PSD3: variants seen among roughly 807,000 people sequenced by gnomAD.
PSD3 encodes the protein PH and SEC7 domain-containing protein 3.
In PSD3, 49 loss-of-function variants were observed where a neutral mutation model predicts 105.5. The ratio of observed to expected loss-of-function variants is 0.46; its 90% confidence interval spans 0.37 to 0.59. The LOEUF (loss-of-function observed/expected upper bound fraction) is 0.59. Ranked by LOEUF, PSD3 falls within the 20% of genes least tolerant of loss-of-function variation. PSD3 has a pLI of 0.00. For missense variants in PSD3, 1,561 were observed against 1,263.8 expected, an observed-to-expected ratio of 1.24 and a Z score of -3.57; for synonymous variants, 557 against 457.8, an observed-to-expected ratio of 1.22 and a Z score of -2.77.
intron 2 of PSD3, among the ~76,000 whole-genome samples, chr8:18,926,241 G>A (rs1821353629): frequency 6.6e-6 from 1 of 151,806 alleles, no homozygotes. Flanking sequence ...CCACATGGGT[G>A]GCTGAGATAG....
chr8:18,627,631 C>T (rs1026333991), intron 11 of PSD3, among the ~76,000 whole-genome samples: 1 of 151,828 alleles, frequency 6.6e-6, no homozygotes, highest in Non-Finnish European at 1.5e-5. Flanking sequence ...CTGGATCCAC[C>T]AGAACAAAGG....
intron 12 of PSD3, among the ~76,000 whole-genome samples, chr8:18,576,327 G>A (rs1160108663): frequency 6.6e-6 from 1 of 152,012 alleles, no homozygotes; most frequent in Non-Finnish European, 1.5e-5. Flanking sequence ...AATATTAAAC[G>A]ACAAAATTGT....
intron 9 of PSD3, among the ~76,000 whole-genome samples, chr8:18,661,000 G>A (rs981894112): frequency 1.3e-5 from 2 of 152,184 alleles, no homozygotes; most frequent in African/African-American, 2.4e-5. Flanking sequence ...ACGATAAAAT[G>A]CAATTTTATT....
intron 9 of PSD3, among the ~76,000 whole-genome samples, chr8:18,659,003 G>A (rs529636716): frequency 6.6e-6 from 1 of 152,080 alleles, no homozygotes; most frequent in African/African-American, 2.4e-5. Context: ...CCCAGCTCCA[G>A]TATGAAAGTT....
intron 11 of PSD3, among the ~76,000 whole-genome samples, chr8:18,609,452 C>G (rs1252667119): frequency 2.0e-5 from 3 of 152,224 alleles, no homozygotes; most frequent in African/African-American, 7.2e-5. Context: ...CAAAGATATA[C>G]TTAGCAGAAG....
chr8:18,647,537 G>A (rs144488664), intron 10 of PSD3, among the ~76,000 whole-genome samples: 68 of 151,088 alleles, frequency 4.5e-4, no homozygotes, highest in African/African-American at 1.5e-3. Context: ...CAAGGCCAAT[G>A]CTGCTGTAAC....
At chr8:18,725,031 T>C (rs138694835) in intron 9 of PSD3, among the ~76,000 whole-genome samples, 150 of 152,322 alleles carry the variant, frequency 9.8e-4, no homozygotes, top group African/African-American at 3.5e-3. Context: ...TTGGGAATCA[T>C]TGAGCAAATC....
At chr8:19,014,698 G>C (rs1432748950), upstream of PSD3, among the ~76,000 whole-genome samples, 1 of 152,242 alleles carries the variant, frequency 6.6e-6, no homozygotes, top group African/African-American at 2.4e-5. The surrounding 1 kb of genome is among the most constrained non-coding windows in gnomAD (Gnocchi z 4.9). Flanking sequence ...ATAACGAGAA[G>C]TGACTGACTT....
At chr8:18,898,759 A>G (rs1819312631) in intron 2 of PSD3, among the ~76,000 whole-genome samples, 1 of 152,184 alleles carries the variant, frequency 6.6e-6, no homozygotes. Flanking sequence ...CATTAAGTGG[A>G]AATGAATCAT....
intron 1 of PSD3, among the ~76,000 whole-genome samples, chr8:19,022,749 C>G (rs894431424): frequency 1.2e-4 from 18 of 152,090 alleles, no homozygotes; most frequent in Non-Finnish European, 2.9e-5. Flanking sequence ...GAGAGTAGAG[C>G]CAGGCAACAG....
At chr8:18,740,372 C>G (rs574236124) in intron 9 of PSD3, among the ~76,000 whole-genome samples, 2 of 152,308 alleles carry the variant, frequency 1.3e-5, no homozygotes, top group South Asian at 4.1e-4. Flanking sequence ...CTCCTCAATT[C>G]TGACAGCTTG....
intron 8 of PSD3, among the ~76,000 whole-genome samples, chr8:18,772,013 G>A (rs565675317): frequency 6.6e-6 from 1 of 152,102 alleles, no homozygotes; most frequent in African/African-American, 2.4e-5. Flanking sequence ...ATTTCACTTA[G>A]CATAATGTCC....
chr8:18,868,062 C>T lies in PSD3; in HGVS notation c.1246G>A (p.Glu416Lys), dbSNP rs200859667. The T allele has an allele frequency of 2.3e-4, 368 of 1,598,946 alleles. 5 individuals carry two copies. In the South Asian group the frequency reaches 3.7e-3, roughly 16 times the overall value. ...TCCCCCTTAACGTGCTCCTCTTGTT[C>T]GCTGATCCTGGAAAGTAAATAAGAG... The part of the protein sequence containing the change: ...KPERDRERIS[E>K]QEEHVKGEDE... The change falls in exon 4 of 16, where the codon GAA (glutamate) becomes AAA (lysine). Residue 416 changes from glutamate (E) to lysine (K), a missense_variant. Physicochemically the swap from Glu to Lys is moderately conservative, Grantham distance 56 (BLOSUM62 1). Coordinates refer to ENST00000327040, the MANE Select transcript of PSD3 (RefSeq NM_015310.4).
chr8:18,934,448 T>A (rs898277486), intron 2 of PSD3, among the ~76,000 whole-genome samples: 1 of 152,148 alleles, frequency 6.6e-6, no homozygotes, highest in African/African-American at 2.4e-5. Flanking sequence ...TCTCGCTCTA[T>A]CGCCCAGGCT....
At chr8:18,710,840 C>A (rs1802208440) in intron 9 of PSD3, among the ~76,000 whole-genome samples, 1 of 152,082 alleles carries the variant, frequency 6.6e-6, no homozygotes, top group African/African-American at 2.4e-5. Flanking sequence ...TGCCACCACA[C>A]CTAGCTAATT....
At chr8:18,643,500 C>T (rs66896571) in intron 10 of PSD3, among the ~76,000 whole-genome samples, 11,031 of 152,194 alleles carry the variant, frequency 0.072, 552 homozygotes, top group African/African-American at 0.14. Context: ...GCAAATTTCC[C>T]ACCAGCTGTG....
At position 18,872,415 on chromosome 8, in the gene PSD3, A is replaced by G; in HGVS notation, c.449T>C (p.Leu150Ser). Residue 150 changes from leucine (L) to serine (S), a missense_variant, in exon 3 of 16, where the codon TTA becomes TCA. Physicochemically the swap from Leu to Ser is moderately radical, Grantham distance 145 (BLOSUM62 -2). Transcript: ENST00000327040. ...TTGGTCCAGTACCTTTGTAGCCTGT[A>G]ATGTTCCGGAAATGATTCTGGCTTC... is the stretch of plus-strand genomic sequence containing the variant. ...ATEARIISGT[L>S]QATKVLDQDA... 1 of 1,614,130 alleles carries G rather than the reference A, an allele frequency of 6.2e-7. No individual in the cohort carries two copies. Among genetic ancestry groups the G allele is most frequent in the Admixed American group, 1.7e-5 (1 of 60,016 alleles).
intron 9 of PSD3, among the ~76,000 whole-genome samples, chr8:18,685,387 A>AC (rs1464998988): frequency 6.6e-6 from 1 of 151,876 alleles, no homozygotes; most frequent in Non-Finnish European, 1.5e-5. Context: ...CATCCTCATG[A>AC]CAGGGGCTTT....
intron 1 of PSD3, among the ~76,000 whole-genome samples, chr8:18,951,978 AAAAC>A (rs753971074): frequency 2.6e-4 from 40 of 152,298 alleles, no homozygotes; most frequent in Middle Eastern, 3.4e-3. Context: ...TCAAAAAAGA[AAAAC>A]AAACAAACAA....
Sources: gnomAD v4.1 joint callset for allele counts (sites outside exome capture counted in the v4.1 genomes callset) on GRCh38, gnomAD v4.1.1 for gene constraint, Gnocchi (gnomAD v3.1) non-coding constraint, MANE v1.5 for transcripts, NCBI Gene and HGNC (gene_info 2026-07-23, HGNC 2026-07-21) for gene names.